Variants in MEGF6 observed in about 807,000 individuals in gnomAD.
The protein encoded by MEGF6 is multiple epidermal growth factor-like domains protein 6.
Under a neutral mutation model 207.1 loss-of-function variants are expected in MEGF6, and 184 were observed. The observed-to-expected ratio is 0.89, with a 90% CI of 0.79 to 1.00. The LOEUF is 1.00. Ranked by LOEUF, MEGF6 falls within the 50% of genes least tolerant of loss-of-function variation. The pLI is 0.00. For synonymous variants in MEGF6, 1,038 were observed against 910.0 expected (o/e 1.14, Z -2.53); for missense variants, 2,282 against 2,202.9 (o/e 1.04, Z -0.72).
chr1:3,558,315 G>A (rs1009618403), intron 4 of MEGF6, among the ~76,000 whole-genome samples: 13 of 152,086 alleles, frequency 8.5e-5, no homozygotes, highest in African/African-American at 2.7e-4. Flanking sequence ...TGACTGTGTC[G>A]ACCTCCTTTC....
intron 4 of MEGF6, among the ~76,000 whole-genome samples, chr1:3,572,656 TGGTGTACTGGGTCCTCCCA>T (rs1228058324): frequency 4.5e-4 from 53 of 117,326 alleles, no homozygotes; most frequent in African/African-American, 1.7e-3. Context: ...GGGTCCTTCC[TGGTGTACTGGGTCCTCCCA>T]GGTGTGCTGG....
chr1:3,584,803 C>T (rs1643870347), intron 3 of MEGF6, among the ~76,000 whole-genome samples: 1 of 152,232 alleles, frequency 6.6e-6, no homozygotes, highest in African/African-American at 2.4e-5. Context: ...TGCCCGCAAG[C>T]ACCGGGGAGG....
rs747132946 is a variant in MEGF6, at chr1:3,602,563, C to T, written c.169G>A (p.Gly57Ser). The T allele has an allele frequency of 5.6e-6, 9 of 1,612,176 alleles. No homozygotes were observed. Among genetic ancestry groups the T allele is most frequent in the Non-Finnish European group, 7.6e-6 (9 of 1,179,558 alleles). ...VCAEQELTLVGRRQPCVQALS... is the reference protein window; with the variant it reads ...VCAEQELTLVSRRQPCVQALS... The stretch of plus-strand genomic sequence containing the variant: ...GCCTGCACGCACGGCTGGCGGCGGC[C>T]CACCAGGGTCAGCTCCTGCTCAGCA... Residue 57 changes from glycine (G) to serine (S), a missense_variant, in exon 2 of 37, where the codon GGC becomes AGC. Transcript: ENST00000356575.
chr1:3,547,127 C>G (rs1361442462), intron 4 of MEGF6: 1 of 153,098 alleles, frequency 6.5e-6, no homozygotes, highest in African/African-American at 2.4e-5. Context: ...CCCACATCTG[C>G]GAGGGGAGAA....
rs1191237116 is a variant in MEGF6 at position 3,531,289 on chromosome 1, G to A, written c.482-7043C>T. On this transcript the variant is annotated intron_variant, in intron 4 of 36. Coordinates refer to ENST00000356575, the MANE Select transcript of MEGF6 (RefSeq NM_001409.4). The stretch of plus-strand genomic sequence containing the variant: ...GCGGGAGGGGGCGAGGACCAACCGC[G>A]CTGCGCCCTAAGCCGGCGGCCGGGC... 6.2e-6 allele frequency: 8 copies of A among 1,295,400 alleles called. No individual in the cohort carries two copies. The East Asian group carries it at 2.6e-4, about 42-fold the overall frequency. The allele number at this position is 1,295,400 out of a possible 1,614,324, so 80.2% of individuals were successfully genotyped here.
chr1:3,530,993 C>T lies in MEGF6; in HGVS notation c.482-6747G>A. On this transcript the variant is annotated intron_variant, in intron 4 of 36. Coordinates refer to ENST00000356575, the MANE Select transcript of MEGF6 (RefSeq NM_001409.4). The stretch of plus-strand genomic sequence containing the variant: ...TCCAGCCTAGCAGGCAGCGCCCTGG[C>T]GCAAACTTTAAAAACAGGAAACAAA... The T allele has an allele frequency of 2.2e-6, 3 of 1,393,284 alleles. No homozygotes were observed. The African/African-American group carries it at 4.6e-5, about 21-fold the overall frequency. The allele number at this position is 1,393,284 out of a possible 1,614,324, so 86.3% of individuals were successfully genotyped here.
intron 14 of MEGF6, among the ~76,000 whole-genome samples, chr1:3,506,891 G>A (rs1358085720): frequency 1.3e-5 from 2 of 152,236 alleles, no homozygotes; most frequent in East Asian, 3.8e-4. Flanking sequence ...CATCTGAGAG[G>A]CAGGCGGAAG....
At chr1:3,570,455 A>T (rs1557784045) in intron 4 of MEGF6, among the ~76,000 whole-genome samples, 1 of 152,260 alleles carries the variant, frequency 6.6e-6, no homozygotes, top group East Asian at 1.9e-4. Context: ...ATAGCCAGGC[A>T]GGCTGCTGGG....
intron 4 of MEGF6, among the ~76,000 whole-genome samples, chr1:3,575,293 T>C (rs1643610931): frequency 6.6e-6 from 1 of 152,098 alleles, no homozygotes; most frequent in Non-Finnish European, 1.5e-5. Context: ...TGTTCCTGGT[T>C]GGTCTGATGA....
chr1:3,556,325 C>T lies in MEGF6; in HGVS notation c.481+23500G>A, dbSNP rs1042224795. Among the ~76,000 whole-genome samples the T allele has an allele frequency of 4.6e-5, 7 of 152,222 alleles. No homozygotes were observed. The highest frequency in any genetic ancestry group is 2.6e-4 in the Admixed American group (4 of 15,292). ...CCATGATCTTGGCACAAAGACACCC[C>T]CATGAGCTCCCAGAGGTGACAACGT... On this transcript the variant is annotated intron_variant, in intron 4 of 36. Coordinates refer to ENST00000356575, the MANE Select transcript of MEGF6 (RefSeq NM_001409.4). The surrounding 1 kb of genome is among the most constrained non-coding windows in gnomAD (Gnocchi z 4.4).
At chr1:3,579,983 G>A (rs1643753759) in intron 3 of MEGF6, 54 bp from the exon 4 acceptor site, 3 of 1,322,984 alleles carry the variant, frequency 2.3e-6, no homozygotes, top group Middle Eastern at 2.1e-4. Flanking sequence ...TGAGGCAGGG[G>A]GAGGTGAGGC....
intron 5 of MEGF6, among the ~76,000 whole-genome samples, chr1:3,517,478 C>G (rs555281040): frequency 1.3e-5 from 2 of 152,254 alleles, no homozygotes; most frequent in Non-Finnish European, 2.9e-5. Flanking sequence ...CAGCCGGGAG[C>G]CAAGCCCAGT....
chr1:3,563,278 G>A (rs1375231032), intron 4 of MEGF6, among the ~76,000 whole-genome samples: 2 of 152,132 alleles, frequency 1.3e-5, no homozygotes, highest in East Asian at 3.9e-4. Flanking sequence ...ATATGGCCAC[G>A]ACGCTGGGCA....
rs940378884 is a variant in MEGF6 at position 3,556,263 on chromosome 1, T to C, written c.481+23562A>G. ...AGGGTCCCCATACATAACCTAGAGC[T>C]CTGTGTGAGGCCCGCAGGCCAGGTC... On this transcript the variant is annotated intron_variant, in intron 4 of 36. Transcript: ENST00000356575. This position sits in a 1 kb window ranked among gnomAD's most constrained non-coding sequence, Gnocchi z 4.4. 1.3e-5 allele frequency among the ~76,000 whole-genome samples: 2 copies of C among 152,120 alleles called. No individual in the cohort carries two copies. Among genetic ancestry groups the C allele is most frequent in the African/African-American group, 4.8e-5 (2 of 41,418 alleles).
chr1:3,544,753 C>T (rs575106370), intron 4 of MEGF6, among the ~76,000 whole-genome samples: 1 of 152,314 alleles, frequency 6.6e-6, no homozygotes, highest in South Asian at 2.1e-4. Flanking sequence ...GCCTGGTAGA[C>T]CCAGGGCTTC....
chr1:3,590,859 A>G (rs1023032579), intron 3 of MEGF6, among the ~76,000 whole-genome samples: 1 of 150,730 alleles, frequency 6.6e-6, no homozygotes, highest in Non-Finnish European at 1.5e-5. Flanking sequence ...TGTCCTGCAC[A>G]GGGGCCGTGT....
chr1:3,589,706 A>G (rs1397894642), intron 3 of MEGF6, among the ~76,000 whole-genome samples: 1 of 152,226 alleles, frequency 6.6e-6, no homozygotes, highest in Non-Finnish European at 1.5e-5. Context: ...GGTCCTGAGC[A>G]CCGTGGCTGG....
At chr1:3,493,530 G>A (rs1031738520) in intron 34 of MEGF6, 3 of 574,504 alleles carry the variant, frequency 5.2e-6, no homozygotes, top group Non-Finnish European at 9.0e-6. Context: ...TGGCCTTCCT[G>A]GGACGTTGTG....
At chr1:3,522,623 TG>T (rs983196052) in intron 5 of MEGF6, among the ~76,000 whole-genome samples, 1 of 129,826 alleles carries the variant, frequency 7.7e-6, no homozygotes, top group African/African-American at 3.1e-5. Flanking sequence ...TTGTGGTGGG[TG>T]GGGTGGTCCT....
Sources: gnomAD v4.1 joint callset for allele counts (sites outside exome capture counted in the v4.1 genomes callset) on GRCh38, gnomAD v4.1.1 for gene constraint, Gnocchi (gnomAD v3.1) non-coding constraint, MANE v1.5 for transcripts, NCBI Gene and HGNC (gene_info 2026-07-23, HGNC 2026-07-21) for gene names.